MGLL: variants seen among roughly 807,000 people sequenced by gnomAD.
The protein encoded by MGLL is lysophospholipase homolog.
A neutral mutation model predicts 29.1 loss-of-function variants in MGLL; 7 were observed. That is an observed-to-expected ratio of 0.24 (90% CI 0.14 to 0.45). The LOEUF is 0.45. Among genes scored for constraint, MGLL ranks in the 20% least tolerant of loss-of-function variants. The pLI is 0.99. For synonymous variants in MGLL, 148 were observed against 168.3 expected (o/e 0.88, Z 0.93); for missense variants, 356 against 413.6 (o/e 0.86, Z 1.21).
chr3:127,818,707 G>A (rs1015989807), intron 2 of MGLL, among the ~76,000 whole-genome samples: 6 of 152,194 alleles, frequency 3.9e-5, no homozygotes, highest in South Asian at 4.1e-4. Context: ...AGAAGATTGC[G>A]GACCAAATCC....
chr3:127,769,578 C>T (rs2076915536), intron 3 of MGLL, among the ~76,000 whole-genome samples: 1 of 152,202 alleles, frequency 6.6e-6, no homozygotes, highest in African/African-American at 2.4e-5. Context: ...GGGGAGGCTG[C>T]CATCAGAGCT....
chr3:127,700,764 C>G (rs1014977581), intron 6 of MGLL, among the ~76,000 whole-genome samples: 18 of 152,190 alleles, frequency 1.2e-4, no homozygotes, highest in African/African-American at 4.3e-4. Context: ...TTAGGACCCT[C>G]GAAAGGGGAG....
chr3:127,787,485 T>A (rs943203791), intron 2 of MGLL, among the ~76,000 whole-genome samples: 1 of 152,246 alleles, frequency 6.6e-6, no homozygotes, highest in Non-Finnish European at 1.5e-5. Flanking sequence ...CCAGGCTCCC[T>A]TAAAGGAAGA....
chr3:127,740,869 T>C (rs1217968735), intron 3 of MGLL, among the ~76,000 whole-genome samples: 1 of 152,152 alleles, frequency 6.6e-6, no homozygotes, highest in African/African-American at 2.4e-5. Flanking sequence ...GGAAAAGTGT[T>C]CTGTTCAGCC....
At position 127,756,449 on chromosome 3, in the gene MGLL, C is replaced by T. The variant is rs72973718; in HGVS notation, c.262+25340G>A. On this transcript the variant is annotated intron_variant, in intron 3 of 7. Transcript: ENST00000265052. ...CCAGATGCCAGAAGCCCCTACACCC[C>T]AGAGCCCACAAAATCATTCAAACTG... Among the ~76,000 whole-genome samples the T allele has an allele frequency of 5.2e-3, 790 of 152,310 alleles. 9 individuals are homozygous for T. Among genetic ancestry groups the T allele is most frequent in the African/African-American group, 0.018 (752 of 41,556 alleles).
intron 2 of MGLL, among the ~76,000 whole-genome samples, chr3:127,814,387 A>G (rs1050745012): frequency 7.2e-5 from 11 of 152,126 alleles, no homozygotes; most frequent in Non-Finnish European, 1.5e-4. Flanking sequence ...ACTCCTACCA[A>G]CAAGAATCTT....
intron 3 of MGLL, among the ~76,000 whole-genome samples, chr3:127,754,957 C>T (rs902704052): frequency 3.3e-5 from 5 of 152,096 alleles, no homozygotes; most frequent in Admixed American, 1.3e-4. Context: ...ACCTAGCGCC[C>T]CAGAGAAGGG....
At chr3:127,702,509 A>G (rs1427551427) in intron 6 of MGLL, among the ~76,000 whole-genome samples, 3 of 152,254 alleles carry the variant, frequency 2.0e-5, no homozygotes, top group African/African-American at 7.2e-5. Flanking sequence ...TTTGGAAAGA[A>G]GATGTTGCTC....
intron 2 of MGLL, among the ~76,000 whole-genome samples, chr3:127,821,127 C>T (rs1285148783): frequency 6.6e-6 from 1 of 152,186 alleles, no homozygotes; most frequent in Non-Finnish European, 1.5e-5. Context: ...AGCAGGAGAC[C>T]AGCTGTCTTG....
intron 3 of MGLL, among the ~76,000 whole-genome samples, chr3:127,747,713 A>G (rs2076474840): frequency 6.6e-6 from 1 of 152,100 alleles, no homozygotes; most frequent in East Asian, 1.9e-4. Flanking sequence ...GGGAAAGAAA[A>G]CCTCAGGCTC....
At chr3:127,822,171 A>G (rs1329812116) in intron 1 of MGLL, 138 bp downstream of exon 1, 26 of 952,750 alleles carry the variant, frequency 2.7e-5, no homozygotes, top group Non-Finnish European at 4.2e-5. Context: ...AGTCAGCTCT[A>G]TGGGTACAAA....
In MGLL at chr3:127,710,571, C is replaced by T; in HGVS notation, c.600+5G>A. The T allele has an allele frequency of 6.4e-7, 1 of 1,553,400 alleles. No individual in the cohort carries two copies. The highest frequency in any genetic ancestry group is 8.7e-7 in the Non-Finnish European group (1 of 1,146,752). On this transcript the variant is annotated splice_donor_5th_base_variant and intron_variant, in intron 6 of 7. Coordinates refer to ENST00000265052, the MANE Select transcript of MGLL (RefSeq NM_007283.7). Reference sequence around the variant, plus strand: ...CTACCCCTGGGGTTTCGGAAAGCCTCTCACCTCTGTCTTATTCCGAGAGAG... The same window carrying T: ...CTACCCCTGGGGTTTCGGAAAGCCTTTCACCTCTGTCTTATTCCGAGAGAG...
intron 5 of MGLL, chr3:127,715,673 G>A (rs1227229376): frequency 4.4e-6 from 2 of 456,590 alleles, no homozygotes; most frequent in African/African-American, 2.0e-5. Context: ...GAACGGTTGA[G>A]CAGGGGCCAT....
Position 127,769,803 on chromosome 3 carries a change from C to T in MGLL, c.262+11986G>A, listed in dbSNP as rs762925970. The stretch of plus-strand genomic sequence containing the variant: ...GAGTGGAGGGAGAGCAGAGCAGCCT[C>T]CCTGCCTCCACCCCACAACACCCCA... On this transcript the variant is annotated intron_variant, in intron 3 of 7. Coordinates refer to ENST00000265052, the MANE Select transcript of MGLL (RefSeq NM_007283.7). Among the ~76,000 whole-genome samples the T allele has an allele frequency of 3.9e-5, 6 of 152,194 alleles. No individual in the cohort carries two copies. In the South Asian group the frequency reaches 1.2e-3, roughly 31 times the overall value.
chr3:127,781,946 C>G, intron 2 of MGLL, 51 bp from the exon 3 acceptor site: 2 of 1,563,880 alleles, frequency 1.3e-6, no homozygotes, highest in Admixed American at 1.7e-5. Flanking sequence ...CGGGGCTGGG[C>G]GCGGTGGCTC....
intron 2 of MGLL, among the ~76,000 whole-genome samples, chr3:127,812,208 C>A (rs908943416): frequency 1.1e-4 from 17 of 152,226 alleles, no homozygotes; most frequent in African/African-American, 3.1e-4. Flanking sequence ...GCTATAATAG[C>A]TAAGGGTTGT....
chr3:127,745,550 T>C lies in MGLL; in HGVS notation c.263-22984A>G, dbSNP rs529976338. Among the ~76,000 whole-genome samples, 6 of 152,064 alleles carry C rather than the reference T, an allele frequency of 3.9e-5. No individual in the cohort carries two copies. In the South Asian group the frequency reaches 1.2e-3, roughly 32 times the overall value. On this transcript the variant is annotated intron_variant, in intron 3 of 7. Transcript: ENST00000265052. The stretch of plus-strand genomic sequence containing the variant: ...GACAGACACTGGAGGCGTGGAAGGA[T>C]GGGGGATGGGGGATTGAGAGATGAC...
At chr3:127,802,730 C>T (rs370177358) in intron 2 of MGLL, among the ~76,000 whole-genome samples, 2 of 152,156 alleles carry the variant, frequency 1.3e-5, no homozygotes, top group African/African-American at 4.8e-5. Context: ...GGGCCCTGGC[C>T]GGTTTTGAAA....
In MGLL at chr3:127,708,489, T is replaced by C. The variant is rs141525313; in HGVS notation, c.600+2087A>G. On this transcript the variant is annotated intron_variant, in intron 6 of 7. Transcript: ENST00000265052. ...TTCCATCCTGAGTAAGACCGAAGAA[T>C]TTCTCATTATTGCAAAAAGGAGAGA... Among the ~76,000 whole-genome samples the C allele has an allele frequency of 5.8e-4, 88 of 152,248 alleles. 1 individual carries two copies. The East Asian group carries it at 0.017, about 29-fold the overall frequency.
Sources: gnomAD v4.1 joint callset for allele counts (sites outside exome capture counted in the v4.1 genomes callset) on GRCh38, gnomAD v4.1.1 for gene constraint, MANE v1.5 for transcripts, NCBI Gene and HGNC (gene_info 2026-07-23, HGNC 2026-07-21) for gene names.